Variants in EYS observed in about 807,000 individuals in gnomAD.
The protein encoded by EYS is protein eyes shut homolog.
A neutral mutation model predicts 282.1 loss-of-function variants in EYS; 250 were observed. The observed-to-expected ratio is 0.89, with a 90% CI of 0.80 to 0.98. EYS has a LOEUF of 0.98. Ranked by LOEUF, EYS falls within the 50% of genes least tolerant of loss-of-function variation. The pLI, the probability that EYS is intolerant of heterozygous loss-of-function variation, is 0.00. For missense variants in EYS, 4,016 were observed against 3,709.0 expected (o/e 1.08, Z -2.15); for synonymous variants, 1,355 against 1,282.9 (o/e 1.06, Z -1.20).
intron 29 of EYS, among the ~76,000 whole-genome samples, chr6:64,315,745 C>A (rs1342698880): frequency 1.3e-5 from 2 of 151,878 alleles, no homozygotes; most frequent in African/African-American, 4.8e-5. Flanking sequence ...GATACGAAAA[C>A]CTGGCAGAGA....
At chr6:65,558,375 C>T (rs1349987005) in intron 2 of EYS, among the ~76,000 whole-genome samples, 1 of 152,232 alleles carries the variant, frequency 6.6e-6, no homozygotes, top group African/African-American at 2.4e-5. Context: ...CACAACTTTG[C>T]TCTGCACTGG....
chr6:65,496,637 G>A (rs1249072708), intron 2 of EYS, among the ~76,000 whole-genome samples: 2 of 152,016 alleles, frequency 1.3e-5, no homozygotes, highest in South Asian at 2.1e-4. Flanking sequence ...AATTAACAAG[G>A]TAGTATTGAA....
intron 12 of EYS, among the ~76,000 whole-genome samples, chr6:65,131,100 A>C (rs1172472287): frequency 6.6e-6 from 1 of 151,820 alleles, no homozygotes; most frequent in Admixed American, 6.6e-5. Context: ...CCAGTAAATG[A>C]TTAATACTGT....
At chr6:64,814,573 G>A (rs2150016930) in intron 21 of EYS, among the ~76,000 whole-genome samples, 1 of 152,064 alleles carries the variant, frequency 6.6e-6, no homozygotes, top group Middle Eastern at 3.4e-3. Flanking sequence ...TAAGTTTACA[G>A]TTTAGGGTTT....
intron 31 of EYS, among the ~76,000 whole-genome samples, chr6:64,139,198 T>C (rs1774258301): frequency 6.6e-6 from 1 of 152,162 alleles, no homozygotes; most frequent in East Asian, 1.9e-4. Context: ...TAAAAAGTCT[T>C]CAGAACATAA....
intron 27 of EYS, among the ~76,000 whole-genome samples, chr6:64,437,374 C>T (rs1774788061): frequency 6.6e-6 from 1 of 151,566 alleles, no homozygotes; most frequent in African/African-American, 2.4e-5. Context: ...ATTTCTTTCC[C>T]TTTGGTTTTA....
intron 30 of EYS, among the ~76,000 whole-genome samples, chr6:64,295,732 A>G (rs1464782592): frequency 1.4e-5 from 2 of 146,302 alleles, no homozygotes; most frequent in Non-Finnish European, 3.0e-5. Flanking sequence ...CCGTCTCCAA[A>G]AAAAAAAAAA....
Position 65,443,330 on chromosome 6 carries a change from A to G in EYS, c.863-37963T>C, listed in dbSNP as rs911169116. Reference sequence around the variant, plus strand: ...TGTACACATATAGACATATATGCATACATGTATGTACACATATAGACATAT... The same window carrying G: ...TGTACACATATAGACATATATGCATGCATGTATGTACACATATAGACATAT... On this transcript the variant is annotated intron_variant, in intron 5 of 42. Transcript: ENST00000503581. Among the ~76,000 whole-genome samples, 24 of 129,280 alleles carry G rather than the reference A, an allele frequency of 1.9e-4. 5 individuals are homozygous for G. The highest frequency in any genetic ancestry group is 4.1e-3 in the Middle Eastern group (1 of 242). The allele number at this position is 129,280 out of a possible 152,430, so 84.8% of individuals were successfully genotyped here.
At chr6:65,139,979 A>T (rs892718987) in intron 12 of EYS, among the ~76,000 whole-genome samples, 2 of 152,028 alleles carry the variant, frequency 1.3e-5, no homozygotes, top group Admixed American at 1.3e-4. Flanking sequence ...ATAATACTAT[A>T]TCTAAAATGT....
intron 8 of EYS, among the ~76,000 whole-genome samples, chr6:65,366,324 T>C (rs1764911074): frequency 1.3e-5 from 2 of 151,726 alleles, no homozygotes; most frequent in African/African-American, 4.8e-5. Context: ...TTTTAACTAA[T>C]GAAAGTTAAA....
chr6:64,273,988 C>T (rs960402761), intron 30 of EYS, among the ~76,000 whole-genome samples: 2 of 152,208 alleles, frequency 1.3e-5, no homozygotes, highest in Non-Finnish European at 2.9e-5. Context: ...TCACAACTAA[C>T]TCTTGCTCCC....
At chr6:65,162,074 GA>G (rs1561997718) in intron 12 of EYS, among the ~76,000 whole-genome samples, 1 of 151,166 alleles carries the variant, frequency 6.6e-6, no homozygotes, top group South Asian at 2.1e-4. Flanking sequence ...CACAGTTACA[GA>G]AAAAAGTAGT....
chr6:64,291,541 A>C (rs1159957415), intron 30 of EYS, among the ~76,000 whole-genome samples: 1 of 152,108 alleles, frequency 6.6e-6, no homozygotes, highest in Non-Finnish European at 1.5e-5. Flanking sequence ...AATGCACAAA[A>C]ATTTGAAAAA....
At position 64,614,926 on chromosome 6, in the gene EYS, C is replaced by T. The variant is rs73437309; in HGVS notation, c.3684+2492G>A. 3.8e-3 allele frequency among the ~76,000 whole-genome samples: 579 copies of T among 152,212 alleles called. 4 individuals are homozygous for T. The highest frequency in any genetic ancestry group is 0.013 in the African/African-American group (534 of 41,544). On this transcript the variant is annotated intron_variant, in intron 24 of 42. Transcript: ENST00000503581. ...GACCGCCTATACTGTGCTCTGTGCT[C>T]TTAGGAATACTGCAACGTCCAGTGT... is the stretch of plus-strand genomic sequence containing the variant.
At chr6:64,685,183 G>C (rs1417984177) in intron 22 of EYS, among the ~76,000 whole-genome samples, 1 of 151,852 alleles carries the variant, frequency 6.6e-6, no homozygotes, top group Non-Finnish European at 1.5e-5. Context: ...GATAAAGAAG[G>C]GGATTTCATA....
At chr6:64,529,826 C>T (rs73767310) in intron 26 of EYS, among the ~76,000 whole-genome samples, 7,833 of 126,624 alleles carry the variant, frequency 0.062, 688 homozygotes, top group African/African-American at 0.19. Flanking sequence ...AAGCAGAACA[C>T]GTTAAAATAA....
chr6:64,966,787 G>A (rs1244501244), intron 14 of EYS, among the ~76,000 whole-genome samples: 1 of 152,084 alleles, frequency 6.6e-6, no homozygotes, highest in Admixed American at 6.5e-5. Context: ...AGATAATCCA[G>A]GATAATGTCC....
chr6:63,971,521 A>G (rs2149783776), intron 35 of EYS, among the ~76,000 whole-genome samples: 1 of 152,332 alleles, frequency 6.6e-6, no homozygotes, highest in African/African-American at 2.4e-5. Context: ...GGTGATCTTC[A>G]GTTTTCTCCA....
intron 26 of EYS, among the ~76,000 whole-genome samples, chr6:64,580,024 AT>A (rs1331700550): frequency 1.3e-5 from 2 of 151,996 alleles, no homozygotes; most frequent in African/African-American, 4.8e-5. Context: ...ATATTTATTT[AT>A]TTTTTTAAGT....
Sources: gnomAD v4.1 joint callset for allele counts (sites outside exome capture counted in the v4.1 genomes callset) on GRCh38, gnomAD v4.1.1 for gene constraint, MANE v1.5 for transcripts, NCBI Gene and HGNC (gene_info 2026-07-23, HGNC 2026-07-21) for gene names.